Variants in ZNF385D observed in about 807,000 individuals in gnomAD.
The protein encoded by ZNF385D is zinc finger protein 659.
A neutral mutation model predicts 35.8 loss-of-function variants in ZNF385D; 15 were observed. The observed-to-expected ratio is 0.42, with a 90% CI of 0.28 to 0.64. The LOEUF (loss-of-function observed/expected upper bound fraction) is 0.64. Among genes scored for constraint, ZNF385D ranks in the 30% least tolerant of loss-of-function variants. ZNF385D has a pLI of 0.23. For synonymous variants in ZNF385D, 212 were observed against 186.8 expected, an observed-to-expected ratio of 1.13 and a Z score of -1.10; for missense variants, 474 against 494.6, an observed-to-expected ratio of 0.96 and a Z score of 0.39.
chr3:21,578,611 C>A (rs2063561918), intron 2 of ZNF385D, among the ~76,000 whole-genome samples: 1 of 151,996 alleles, frequency 6.6e-6, no homozygotes, highest in Non-Finnish European at 1.5e-5. Context: ...ATTGTATGTT[C>A]TTGGTGCCTT....
intron 4 of ZNF385D, among the ~76,000 whole-genome samples, chr3:21,466,699 T>A (rs570616402): frequency 9.0e-4 from 137 of 152,182 alleles, no homozygotes; most frequent in African/African-American, 3.0e-3. Context: ...ACACAAAAAA[T>A]TTGTTAAAAA....
intron 4 of ZNF385D, among the ~76,000 whole-genome samples, chr3:21,476,291 A>G (rs1326284774): frequency 6.6e-6 from 1 of 152,116 alleles, no homozygotes. Context: ...TTAATTGTTC[A>G]TTCAGCCCCT....
At position 21,974,564 on chromosome 3, in the gene ZNF385D, G is replaced by A. The variant is rs1378451580; in HGVS notation, c.325+194253C>T. Among the ~76,000 whole-genome samples, 4 of 152,076 alleles carry A rather than the reference G, an allele frequency of 2.6e-5. No individual in the cohort carries two copies. The East Asian group carries it at 7.7e-4, about 29-fold the overall frequency. On this transcript the variant is annotated intron_variant, in intron 3 of 5. Transcript: ENST00000494108. ...AAGCACAAGCAACCAAAGCAAAAATGGACAAATGGGTTCACATCAAGTAAA... is the reference window on the plus strand; with the variant it reads ...AAGCACAAGCAACCAAAGCAAAAATAGACAAATGGGTTCACATCAAGTAAA...
intron 3 of ZNF385D, among the ~76,000 whole-genome samples, chr3:21,760,095 T>G (rs1017789819): frequency 5.3e-5 from 8 of 152,222 alleles, no homozygotes; most frequent in African/African-American, 1.9e-4. Context: ...TTCAACATTC[T>G]TTTCATTATC....
At chr3:22,008,279 G>C (rs1696341708) in intron 3 of ZNF385D, among the ~76,000 whole-genome samples, 1 of 151,766 alleles carries the variant, frequency 6.6e-6, no homozygotes, top group South Asian at 2.1e-4. Context: ...TACTGGCTAG[G>C]GTTTTGTGAA....
At position 22,080,739 on chromosome 3, in the gene ZNF385D, G is replaced by T. The variant is rs535967790; in HGVS notation, c.325+88078C>A. Among the ~76,000 whole-genome samples the T allele has an allele frequency of 2.6e-5, 4 of 151,916 alleles. No individual in the cohort carries two copies. The South Asian group carries it at 8.3e-4, about 32-fold the overall frequency. On this transcript the variant is annotated intron_variant, in intron 3 of 5. Transcript: ENST00000494108. ...ATCCCCAAGATGATAGTATTAAAAG[G>T]TAGGGCCTTTGGGGGGCAATTAGAT... is the stretch of plus-strand genomic sequence containing the variant.
chr3:21,799,990 A>G (rs1307225902), intron 3 of ZNF385D, among the ~76,000 whole-genome samples: 1 of 152,200 alleles, frequency 6.6e-6, no homozygotes, highest in African/African-American at 2.4e-5. Flanking sequence ...TGTCTCAGAA[A>G]TATTGGTTGA....
At chr3:21,802,634 G>T (rs4858358) in intron 3 of ZNF385D, among the ~76,000 whole-genome samples, 1 of 152,122 alleles carries the variant, frequency 6.6e-6, no homozygotes, top group Non-Finnish European at 1.5e-5. Context: ...AACTGTATAA[G>T]ATGATGATTT....
intron 4 of ZNF385D, among the ~76,000 whole-genome samples, chr3:21,494,291 A>G: frequency 6.6e-6 from 1 of 152,160 alleles, no homozygotes; most frequent in Admixed American, 6.6e-5. Context: ...TAAATATGTG[A>G]AGAACATAAA....
chr3:22,118,006 G>A (rs1385634943), intron 3 of ZNF385D, among the ~76,000 whole-genome samples: 1 of 151,972 alleles, frequency 6.6e-6, no homozygotes, highest in Non-Finnish European at 1.5e-5. Flanking sequence ...TCAACAAAAT[G>A]AACTTTGTTT....
chr3:22,006,844 G>A (rs1450568560), intron 3 of ZNF385D, among the ~76,000 whole-genome samples: 5 of 151,846 alleles, frequency 3.3e-5, no homozygotes, highest in African/African-American at 9.7e-5. Flanking sequence ...GTGATAAGTA[G>A]AAACTGATAC....
At chr3:21,468,692 G>T (rs538016941) in intron 4 of ZNF385D, among the ~76,000 whole-genome samples, 3 of 152,122 alleles carry the variant, frequency 2.0e-5, no homozygotes, top group Non-Finnish European at 4.4e-5. Flanking sequence ...TTGGGAGTCC[G>T]AGGCAGGCGG....
intron 3 of ZNF385D, among the ~76,000 whole-genome samples, chr3:22,062,560 T>C (rs1355839763): frequency 6.6e-6 from 1 of 152,282 alleles, no homozygotes; most frequent in South Asian, 2.1e-4. Flanking sequence ...TAACCATACA[T>C]GCTACTTTAA....
chr3:22,142,923 G>A (rs964495093), intron 3 of ZNF385D, among the ~76,000 whole-genome samples: 1 of 151,852 alleles, frequency 6.6e-6, no homozygotes, highest in African/African-American at 2.4e-5. Flanking sequence ...AACAGTCCCA[G>A]GATACTGCAC....
intron 3 of ZNF385D, among the ~76,000 whole-genome samples, chr3:22,023,199 A>G (rs1162085588): frequency 2.6e-5 from 4 of 152,254 alleles, no homozygotes; most frequent in African/African-American, 9.6e-5. Flanking sequence ...CAGTCAAATG[A>G]GATTGCAAGG....
chr3:22,293,876 T>G (rs979950140), intron 2 of ZNF385D, among the ~76,000 whole-genome samples: 2 of 152,198 alleles, frequency 1.3e-5, no homozygotes, highest in African/African-American at 4.8e-5. Flanking sequence ...TTTTCATGAA[T>G]GCTAAAGTTT....
chr3:21,751,109 G>A lies in ZNF385D; in HGVS notation c.-193C>T. On this transcript the variant is annotated 5_prime_UTR_variant, in exon 1 of 8. Coordinates refer to ENST00000281523, the MANE Select transcript of ZNF385D (RefSeq NM_024697.3). ...CTGCCTTTCCAGGGCTAAGATCCCC[G>A]GCGGCTGGAGAGTGCGCTCGGGCTG... 1.4e-6 allele frequency: 2 copies of A among 1,475,738 alleles called. No homozygotes were observed. Among genetic ancestry groups the A allele is most frequent in the East Asian group, 2.5e-5 (1 of 40,232 alleles). 91.4% of individuals were successfully genotyped at this position (1,475,738 alleles called of 1,614,324 possible).
intron 4 of ZNF385D, among the ~76,000 whole-genome samples, chr3:21,491,824 T>C (rs1705446123): frequency 6.6e-6 from 1 of 152,160 alleles, no homozygotes; most frequent in South Asian, 2.1e-4. Context: ...CTGGATGACT[T>C]CTCTTTTTCT....
intron 3 of ZNF385D, among the ~76,000 whole-genome samples, chr3:21,880,021 T>C (rs1056924748): frequency 6.6e-6 from 1 of 151,978 alleles, no homozygotes; most frequent in South Asian, 2.1e-4. Context: ...TAAATGCAAT[T>C]ATTTTTTAAA....
Sources: allele counts gnomAD v4.1 joint callset (sites outside exome capture counted in the v4.1 genomes callset), GRCh38; gene constraint gnomAD v4.1.1; transcripts MANE v1.5; gene names NCBI Gene and HGNC (gene_info 2026-07-23, HGNC 2026-07-21).